The following SORCS1 variants were observed in gnomAD, a reference collection of about 807,000 sequenced individuals.
SORCS1 encodes sortilin related VPS10 domain containing receptor 1, also known as VPS10 domain-containing receptor SorCS1.
In SORCS1, 60 loss-of-function variants were observed where a neutral mutation model predicts 146.1. The observed-to-expected ratio is 0.41, with a 90% CI of 0.33 to 0.51. The LOEUF (loss-of-function observed/expected upper bound fraction) is 0.51. Among genes scored for constraint, SORCS1 ranks in the 20% least tolerant of loss-of-function variants. SORCS1 has a pLI of 0.21. For synonymous variants in SORCS1, 637 were observed against 584.0 expected, an observed-to-expected ratio of 1.09 and a Z score of -1.31; for missense variants, 1,352 against 1,487.6, an observed-to-expected ratio of 0.91 and a Z score of 1.50.
intron 1 of SORCS1, among the ~76,000 whole-genome samples, chr10:107,015,316 A>G (rs1412281621): frequency 2.0e-5 from 3 of 152,212 alleles, no homozygotes; most frequent in East Asian, 3.8e-4. Context: ...ATGGTATGTC[A>G]GAAGGTGACT....
chr10:106,961,176 C>A lies in SORCS1; in HGVS notation c.559-4596G>T, dbSNP rs911793681. 2.0e-5 allele frequency among the ~76,000 whole-genome samples: 3 copies of A among 152,136 alleles called. No homozygotes were observed. In the East Asian group the frequency reaches 5.8e-4, roughly 29 times the overall value. On this transcript the variant is annotated intron_variant, in intron 1 of 25. Transcript: ENST00000263054. ...GTCAGTGAAAAATATTCTTTTGTATCAAAACAGTAGGGCAAAAAGCCTTAT... is the reference window on the plus strand; with the variant it reads ...GTCAGTGAAAAATATTCTTTTGTATAAAAACAGTAGGGCAAAAAGCCTTAT...
intron 2 of SORCS1, among the ~76,000 whole-genome samples, chr10:106,882,864 T>A (rs1318122847): frequency 6.6e-6 from 1 of 152,176 alleles, no homozygotes. Flanking sequence ...AACCTCCTGA[T>A]GATTGTTGAG....
chr10:106,785,855 G>T (rs936758482), intron 3 of SORCS1, among the ~76,000 whole-genome samples: 1 of 152,088 alleles, frequency 6.6e-6, no homozygotes, highest in Non-Finnish European at 1.5e-5. Flanking sequence ...TTAACAATGA[G>T]GTCCATTTCA....
chr10:106,696,217 G>A (rs1421050977), intron 9 of SORCS1, among the ~76,000 whole-genome samples: 2 of 152,196 alleles, frequency 1.3e-5, no homozygotes, highest in African/African-American at 4.8e-5. Context: ...TGCTATCTCT[G>A]TAACCCCCAC....
chr10:106,695,908 T>C (rs1050068675), intron 9 of SORCS1, among the ~76,000 whole-genome samples: 2 of 152,202 alleles, frequency 1.3e-5, no homozygotes, highest in Non-Finnish European at 2.9e-5. Context: ...ACACACATAG[T>C]TCTAGGGTAG....
At chr10:106,660,203 G>A (rs906878993) in intron 17 of SORCS1, among the ~76,000 whole-genome samples, 2 of 152,214 alleles carry the variant, frequency 1.3e-5, no homozygotes, top group Non-Finnish European at 2.9e-5. Context: ...GCAAATCCAG[G>A]AAGTGGCAGG....
chr10:106,937,109 A>T (rs1436846972), intron 2 of SORCS1, among the ~76,000 whole-genome samples: 1 of 152,026 alleles, frequency 6.6e-6, no homozygotes. Context: ...GAGGTAACTG[A>T]ATCATGGGGG....
At chr10:107,026,483 G>A (rs1958409718) in intron 1 of SORCS1, among the ~76,000 whole-genome samples, 1 of 152,110 alleles carries the variant, frequency 6.6e-6, no homozygotes, top group African/African-American at 2.4e-5. Flanking sequence ...GCCAGGCATG[G>A]TGGTGGGCGC....
At chr10:106,971,636 G>A (rs1955790593) in intron 1 of SORCS1, among the ~76,000 whole-genome samples, 1 of 152,210 alleles carries the variant, frequency 6.6e-6, no homozygotes, top group Admixed American at 6.5e-5. Context: ...GGGCTGAGTA[G>A]TTGTAAAACA....
rs60289278 is a variant in SORCS1 at position 106,953,142 on chromosome 10, A to AGT, written c.626+3369_626+3370dup. Among the ~76,000 whole-genome samples, 1,168 of 148,120 alleles carry AGT rather than the reference A, an allele frequency of 7.9e-3. 3 individuals are homozygous for AGT. The highest frequency in any genetic ancestry group is 0.05 in the Middle Eastern group (14 of 282). On this transcript the variant is annotated intron_variant, in intron 2 of 25. Transcript: ENST00000263054. ...AAATATATTATGTATCTGTGGGTAT[A>AGT]GTGTGTGTGTGTGTGTGTGTGTGTG...
chr10:107,152,999 TC>T, intron 1 of SORCS1, among the ~76,000 whole-genome samples: 1 of 152,276 alleles, frequency 6.6e-6, no homozygotes, highest in Non-Finnish European at 1.5e-5. Context: ...CTGCCTCTGC[TC>T]TCTGGCTTTC....
At chr10:106,827,810 G>C (rs1214030119) in intron 3 of SORCS1, among the ~76,000 whole-genome samples, 1 of 152,156 alleles carries the variant, frequency 6.6e-6, no homozygotes, top group South Asian at 2.1e-4. Flanking sequence ...GTGTGGTACT[G>C]TGGCCATCAG....
intron 19 of SORCS1, 25 bp downstream of exon 19, chr10:106,629,177 T>A (rs1848282534): frequency 6.3e-7 from 1 of 1,598,054 alleles, no homozygotes; most frequent in African/African-American, 1.3e-5. Context: ...AGATAGGTCA[T>A]AAACCAACAA....
Position 106,728,026 on chromosome 10 carries a change from G to A in SORCS1, c.1024+2024C>T, listed in dbSNP as rs142304609. On this transcript the variant is annotated intron_variant, in intron 6 of 25. Coordinates refer to ENST00000263054, the MANE Select transcript of SORCS1 (RefSeq NM_052918.5). Reference sequence around the variant, plus strand: ...TAGCTCTTTATCATCAAAGCAATGGGAAGTAAGCAAGACTTTTTTTTTTTG... The same window carrying A: ...TAGCTCTTTATCATCAAAGCAATGGAAAGTAAGCAAGACTTTTTTTTTTTG... Among the ~76,000 whole-genome samples the A allele has an allele frequency of 3.5e-3, 505 of 145,496 alleles. 1 individual carries two copies. The highest frequency in any genetic ancestry group is 7.1e-3 in the Middle Eastern group (2 of 282).
chr10:106,776,256 G>A (rs2136370254), intron 4 of SORCS1, among the ~76,000 whole-genome samples: 1 of 152,234 alleles, frequency 6.6e-6, no homozygotes, highest in Admixed American at 6.5e-5. Flanking sequence ...GGGGTCAGAG[G>A]CTCCTGACTG....
At position 106,723,216 on chromosome 10, in the gene SORCS1, T is replaced by C. The variant is rs1855903343; in HGVS notation, c.1024+6834A>G. ...TGGGCTCTAAGTTATCTTTTGGACATAGAACGGAGATTAAATAAGATACAA... is the reference window on the plus strand; with the variant it reads ...TGGGCTCTAAGTTATCTTTTGGACACAGAACGGAGATTAAATAAGATACAA... On this transcript the variant is annotated intron_variant, in intron 6 of 25. Coordinates refer to ENST00000263054, the MANE Select transcript of SORCS1 (RefSeq NM_052918.5). Among the ~76,000 whole-genome samples the C allele has an allele frequency of 2.6e-5, 4 of 152,162 alleles. No individual in the cohort carries two copies. In the South Asian group the frequency reaches 8.3e-4, roughly 32 times the overall value.
Position 106,783,493 on chromosome 10 carries a change from T to C in SORCS1, c.727-6801A>G, listed in dbSNP as rs565321897. Among the ~76,000 whole-genome samples the C allele has an allele frequency of 7.0e-4, 107 of 152,262 alleles. 1 individual carries two copies. The South Asian group carries it at 7.9e-3, about 11-fold the overall frequency. ...TTTATGTTCTGCTAAAATATGATAG[T>C]TGAATTCCAAAAAAGAGAGGGAAAG... On this transcript the variant is annotated intron_variant, in intron 3 of 25. Transcript: ENST00000263054.
At chr10:107,165,058 A>G (rs1970005403), upstream of SORCS1, among the ~76,000 whole-genome samples, 1 of 151,768 alleles carries the variant, frequency 6.6e-6, no homozygotes. The surrounding 1 kb of genome is among the most constrained non-coding windows in gnomAD (Gnocchi z 4.0). Flanking sequence ...GGAGCTTCCT[A>G]TTCCTGCTTT....
At chr10:106,930,946 G>C (rs1288606337) in intron 2 of SORCS1, among the ~76,000 whole-genome samples, 1 of 152,178 alleles carries the variant, frequency 6.6e-6, no homozygotes, top group Non-Finnish European at 1.5e-5. Context: ...AATTTCCTAA[G>C]ATACAACTGT....
Sources: allele counts gnomAD v4.1 joint callset (sites outside exome capture counted in the v4.1 genomes callset), GRCh38; gene constraint gnomAD v4.1.1; non-coding constraint Gnocchi (gnomAD v3.1); transcripts MANE v1.5; gene names NCBI Gene and HGNC (gene_info 2026-07-23, HGNC 2026-07-21).